The following RARG variants were observed in gnomAD, a reference collection of about 807,000 sequenced individuals.
The protein encoded by RARG is retinoic acid receptor gamma.
In RARG, 17 loss-of-function variants were observed where a neutral mutation model predicts 43.7. The ratio of observed to expected loss-of-function variants is 0.39; its 90% CI spans 0.27 to 0.58. The LOEUF is 0.58. Among genes scored for constraint, RARG ranks in the 20% least tolerant of loss-of-function variants. The pLI is 0.57. For missense variants in RARG, 346 were observed against 598.7 expected, an observed-to-expected ratio of 0.58 and a Z score of 4.40; for synonymous variants, 238 against 236.4, an observed-to-expected ratio of 1.01 and a Z score of -0.06.
At chr12:53,218,607 G>T (rs1592435808) in intron 3 of RARG, among the ~76,000 whole-genome samples, 1 of 151,804 alleles carries the variant, frequency 6.6e-6, no homozygotes, top group Non-Finnish European at 1.5e-5. Flanking sequence ...CAAAAGTAAA[G>T]TCAAGTCCGG....
chr12:53,231,999 G>T lies in RARG; in HGVS notation c.-235C>A. 2.5e-6 allele frequency: 1 copy of T among 397,398 alleles called. No individual in the cohort carries two copies. The highest frequency in any genetic ancestry group is 4.4e-6 in the Non-Finnish European group (1 of 225,418). 24.6% of individuals were successfully genotyped at this position (397,398 alleles called of 1,614,324 possible). A position where few individuals can be genotyped will look rare whatever the true frequency, so the allele number is the denominator to read the frequency against. ...CTGGAGTGGGAGGGGGAAGGGAGGCGGCGGAGCCCCGAGGTCCCGGCGTCG... is the reference window on the plus strand; with the variant it reads ...CTGGAGTGGGAGGGGGAAGGGAGGCTGCGGAGCCCCGAGGTCCCGGCGTCG... On this transcript the variant is annotated 5_prime_UTR_variant, in exon 1 of 10. Coordinates refer to ENST00000425354, the MANE Select transcript of RARG (RefSeq NM_000966.6).
chr12:53,232,005 GC>G lies in RARG; in HGVS notation c.-242del. On this transcript the variant is annotated 5_prime_UTR_variant, in exon 1 of 10. Transcript: ENST00000425354. Reference sequence around the variant, plus strand: ...TGGGAGGGGGAAGGGAGGCGGCGGAGCCCCGAGGTCCCGGCGTCGGGCAGTC... The same window carrying G: ...TGGGAGGGGGAAGGGAGGCGGCGGAGCCCGAGGTCCCGGCGTCGGGCAGTC... 2.5e-6 allele frequency: 1 copy of G among 397,416 alleles called. No individual in the cohort carries two copies. Among genetic ancestry groups the G allele is most frequent in the Non-Finnish European group, 4.4e-6 (1 of 225,394 alleles). The allele number at this position is 397,416 out of a possible 1,614,324, so 24.6% of individuals were successfully genotyped here. A position where few individuals can be genotyped will look rare whatever the true frequency, so the allele number is the denominator to read the frequency against.
At chr12:53,212,950 G>A in intron 9 of RARG, 135 bp downstream of exon 9, 3 of 1,121,768 alleles carry the variant, frequency 2.7e-6, no homozygotes, top group South Asian at 1.7e-5. Context: ...CCACTACTAT[G>A]TGGCAGAGCT....
In RARG at chr12:53,218,482, C is replaced by G. The variant is rs181917548; in HGVS notation, c.185-2688G>C. Among the ~76,000 whole-genome samples the G allele has an allele frequency of 2.5e-3, 386 of 152,264 alleles. 3 individuals carry two copies. Among genetic ancestry groups the G allele is most frequent in the African/African-American group, 8.6e-3 (359 of 41,554 alleles). ...ATATAACATACCCCAACTCCCCATC[C>G]TATTGGGCAATGAGAGGAAAGTTAA... On this transcript the variant is annotated intron_variant, in intron 3 of 9. Transcript: ENST00000425354.
At chr12:53,218,880 C>T (rs1017711868) in intron 3 of RARG, among the ~76,000 whole-genome samples, 1 of 151,642 alleles carries the variant, frequency 6.6e-6, no homozygotes, top group Non-Finnish European at 1.5e-5. Flanking sequence ...GCAGCGAGCA[C>T]ATCCCAGCCC....
At chr12:53,221,107 T>G (rs1472963232) in intron 3 of RARG, among the ~76,000 whole-genome samples, 2 of 151,052 alleles carry the variant, frequency 1.3e-5, no homozygotes, top group Admixed American at 1.3e-4. Flanking sequence ...CACCTCCTCC[T>G]GACCCGGCCC....
At position 53,227,442 on chromosome 12, in the gene RARG, C is replaced by A. The variant is rs1026107285; in HGVS notation, c.104G>T (p.Gly35Val). ...FPFAFPGALR[G>V]SPPFEMLSPS... The stretch of plus-strand genomic sequence containing the variant: ...GCTCAGCATCTCGAAAGGCGGAGAC[C>A]CCCTGAGTGCCCCTGGGAAGGCGAA... Residue 35 changes from glycine (G) to valine (V), a missense_variant, in exon 3 of 10, where the codon GGG becomes GTG. Physicochemically the swap from Gly to Val is moderately radical, Grantham distance 109 (BLOSUM62 -3). This residue lies in a region of RARG where 90 missense variants were observed against 93.2 expected (regional missense o/e 0.97). Coordinates refer to ENST00000425354, the MANE Select transcript of RARG (RefSeq NM_000966.6). This position sits in a 1 kb window ranked among gnomAD's most constrained non-coding sequence, Gnocchi z 4.3. The A allele has an allele frequency of 6.2e-7, 1 of 1,610,446 alleles. No individual in the cohort carries two copies. The highest frequency in any genetic ancestry group is 8.5e-7 in the Non-Finnish European group (1 of 1,178,462).
rs1446826218 is a variant in RARG at position 53,214,446 on chromosome 12, C to T, written c.636G>A (p.Thr212=). ...PSLCQLGKYT[T]NSSADHRVQL... is the part of the protein sequence containing the mutation. Reference sequence around the variant, plus strand: ...TCACTGGGCTCTGCCCATTCCTCACCGTGGTATACTTGCCCAGCTGGCAGA... The same window carrying T: ...TCACTGGGCTCTGCCCATTCCTCACTGTGGTATACTTGCCCAGCTGGCAGA... The change falls in exon 6 of 10, where the codon ACG becomes ACA. Residue 212 remains threonine (T), a splice_region_variant and synonymous_variant. Transcript: ENST00000425354. The T allele has an allele frequency of 6.2e-7, 1 of 1,611,780 alleles. No individual in the cohort carries two copies. The highest frequency in any genetic ancestry group is 8.5e-7 in the Non-Finnish European group (1 of 1,178,144).
intron 3 of RARG, among the ~76,000 whole-genome samples, chr12:53,216,864 G>C (rs1463850774): frequency 6.6e-6 from 1 of 151,604 alleles, no homozygotes; most frequent in Admixed American, 6.6e-5. Flanking sequence ...GCGCGCGCGT[G>C]TGGTTGGTCT....
In RARG at chr12:53,211,743, G is replaced by A. The variant is rs770273310; in HGVS notation, c.1298C>T (p.Pro433Leu). The A allele has an allele frequency of 3.8e-6, 6 of 1,568,878 alleles. No homozygotes were observed. The highest frequency in any genetic ancestry group is 1.4e-5 in the African/African-American group (1 of 71,868). Residue 433 changes from proline (P) to leucine (L), a missense_variant, in exon 10 of 10, where the codon CCC becomes CTC. Coordinates refer to ENST00000425354, the MANE Select transcript of RARG (RefSeq NM_000966.6). This position sits in a 1 kb window ranked among gnomAD's most constrained non-coding sequence, Gnocchi z 4.6. ...EDDSSQPGPHPNASSEDEVPG... is the reference protein window; with the variant it reads ...EDDSSQPGPHLNASSEDEVPG... ...AACCTCATCCTCGCTAGAGGCATTG[G>A]GGTGGGGACCAGGCTGCGAGGAGTC...
intron 3 of RARG, among the ~76,000 whole-genome samples, chr12:53,216,846 G>GCGCA (rs1263719839): frequency 2.6e-5 from 3 of 116,698 alleles, no homozygotes; most frequent in African/African-American, 8.0e-5. Context: ...GTGTGTGCGC[G>GCGCA]CGCGCGCGCG....
chr12:53,213,963 G>C lies in RARG; in HGVS notation c.813+96C>G. On this transcript the variant is annotated intron_variant, in intron 7 of 9. Coordinates refer to ENST00000425354, the MANE Select transcript of RARG (RefSeq NM_000966.6). The surrounding 1 kb of genome is among the most constrained non-coding windows in gnomAD (Gnocchi z 4.7). ...TGAGGAGTCCCACATGTGTGGCAGGGGGTGCAGGGTAAGGAAATCTTTGCA... is the reference window on the plus strand; with the variant it reads ...TGAGGAGTCCCACATGTGTGGCAGGCGGTGCAGGGTAAGGAAATCTTTGCA... 7.3e-7 allele frequency: 1 copy of C among 1,378,286 alleles called. No individual in the cohort carries two copies. Among genetic ancestry groups the C allele is most frequent in the Non-Finnish European group, 1.0e-6 (1 of 999,040 alleles). The allele number at this position is 1,378,286 out of a possible 1,614,324, so 85.4% of individuals were successfully genotyped here. A position where few individuals can be genotyped will look rare whatever the true frequency, so the allele number is the denominator to read the frequency against.
chr12:53,213,486 G>A lies in RARG; in HGVS notation c.1018+10C>T, dbSNP rs991015148. The A allele has an allele frequency of 4.3e-6, 7 of 1,612,274 alleles. No individual in the cohort carries two copies. Among genetic ancestry groups the A allele is most frequent in the East Asian group, 2.2e-5 (1 of 44,852 alleles). ...GAGCACTGAGCAGACGCCAGGGGGC[G>A]CCCCCGCACCTCCGCAGATGAGGCA... On this transcript the variant is annotated intron_variant, in intron 8 of 9. Transcript: ENST00000425354. This position sits in a 1 kb window ranked among gnomAD's most constrained non-coding sequence, Gnocchi z 4.7.
intron 3 of RARG, among the ~76,000 whole-genome samples, chr12:53,225,278 G>A (rs1012910663): frequency 2.6e-5 from 4 of 152,132 alleles, no homozygotes; most frequent in African/African-American, 9.7e-5. Context: ...CCACCAGCAG[G>A]CTTCACCAAA....
In RARG at chr12:53,228,888, C is replaced by G. The variant is rs186158078; in HGVS notation, c.-142-1201G>C. 2.1e-4 allele frequency among the ~76,000 whole-genome samples: 32 copies of G among 152,260 alleles called. No homozygotes were observed. The East Asian group carries it at 3.3e-3, about 16-fold the overall frequency. ...ACGCCCGGGCATTCTGCCTCCTTTT[C>G]TTTCTTATCCCTGGGCTCCCTGTTT... On this transcript the variant is annotated intron_variant, in intron 2 of 9. Coordinates refer to ENST00000425354, the MANE Select transcript of RARG (RefSeq NM_000966.6).
intron 5 of RARG, chr12:53,214,896 C>A (rs1030551310): frequency 7.2e-6 from 3 of 417,140 alleles, no homozygotes; most frequent in South Asian, 4.1e-5. Flanking sequence ...GATATGCAGG[C>A]GGCAGGATAT....
chr12:53,226,237 C>T (rs2120724822), intron 3 of RARG, among the ~76,000 whole-genome samples: 1 of 151,968 alleles, frequency 6.6e-6, no homozygotes, highest in African/African-American at 2.4e-5. Context: ...AAGTGCTTCT[C>T]CTCCCTCAGC....
At chr12:53,220,597 T>TA (rs1326116674) in intron 3 of RARG, among the ~76,000 whole-genome samples, 1 of 152,094 alleles carries the variant, frequency 6.6e-6, no homozygotes, top group Admixed American at 6.5e-5. Context: ...AGCACGCATA[T>TA]AAAATCATAG....
intron 2 of RARG, among the ~76,000 whole-genome samples, chr12:53,229,561 T>G (rs563871369): frequency 1.3e-5 from 2 of 152,292 alleles, no homozygotes; most frequent in East Asian, 3.9e-4. Flanking sequence ...CCTAAAAGTC[T>G]GAGCTCCAAG....
Sources: gnomAD v4.1 joint callset for allele counts (sites outside exome capture counted in the v4.1 genomes callset) on GRCh38, gnomAD v4.1.1 for gene constraint, gnomAD v4.1.1 regional missense constraint, Gnocchi (gnomAD v3.1) non-coding constraint, MANE v1.5 for transcripts, NCBI Gene and HGNC (gene_info 2026-07-23, HGNC 2026-07-21) for gene names.